KAZN: variants seen among roughly 807,000 people sequenced by gnomAD.
The protein encoded by KAZN is kazrin.
In KAZN, 40 loss-of-function variants were observed where a neutral mutation model predicts 87.4. The ratio of observed to expected loss-of-function variants is 0.46; its 90% CI spans 0.36 to 0.60. The LOEUF is 0.60. Ranked by LOEUF, KAZN falls within the 20% of genes least tolerant of loss-of-function variation. The pLI is 0.00. For synonymous variants in KAZN, 466 were observed against 458.3 expected, an observed-to-expected ratio of 1.02 and a Z score of -0.22; for missense variants, 898 against 1,073.9, an observed-to-expected ratio of 0.84 and a Z score of 2.29.
chr1:14,081,595 G>A (rs746989212), intron 1 of KAZN, among the ~76,000 whole-genome samples: 64 of 151,960 alleles, frequency 4.2e-4, no homozygotes, highest in African/African-American at 1.2e-3. Flanking sequence ...ATTTTAGTGC[G>A]CATGAATAAA....
In KAZN at chr1:14,544,536, G is replaced by A. The variant is rs142165024; in HGVS notation, c.250-54447G>A. 4.4e-4 allele frequency among the ~76,000 whole-genome samples: 67 copies of A among 151,738 alleles called. 1 individual carries two copies. In the East Asian group the frequency reaches 0.013, roughly 29 times the overall value. ...CAAAAGTGCTAATGTCTCCCTTCGTGCCTGGGAACTTAAAAGAGACTCTTT... is the reference window on the plus strand; with the variant it reads ...CAAAAGTGCTAATGTCTCCCTTCGTACCTGGGAACTTAAAAGAGACTCTTT... On this transcript the variant is annotated intron_variant, in intron 2 of 16. Transcript: ENST00000636203.
intron 1 of KAZN, among the ~76,000 whole-genome samples, chr1:13,988,590 C>G (rs1039852346): frequency 6.6e-6 from 1 of 152,110 alleles, no homozygotes; most frequent in Non-Finnish European, 1.5e-5. Flanking sequence ...CATTATTTCT[C>G]CCTACATTCT....
chr1:14,501,256 G>T (rs113880203), intron 2 of KAZN, among the ~76,000 whole-genome samples: 1 of 152,034 alleles, frequency 6.6e-6, no homozygotes, highest in Non-Finnish European at 1.5e-5. Context: ...TTGTACTGGA[G>T]GTTCTAGCCA....
At chr1:13,897,466 G>T (rs942379968) in intron 1 of KAZN, among the ~76,000 whole-genome samples, 4 of 152,118 alleles carry the variant, frequency 2.6e-5, no homozygotes, top group Non-Finnish European at 5.9e-5. Context: ...ATCCACACAC[G>T]AGGCCACACT....
intron 8 of KAZN, among the ~76,000 whole-genome samples, chr1:15,073,137 G>C (rs990029829): frequency 6.6e-6 from 1 of 152,168 alleles, no homozygotes; most frequent in Non-Finnish European, 1.5e-5. Context: ...TTCCGTGTAC[G>C]AGTCCACGTG....
At chr1:14,540,518 A>T (rs1269769695) in intron 2 of KAZN, among the ~76,000 whole-genome samples, 1 of 152,162 alleles carries the variant, frequency 6.6e-6, no homozygotes, top group African/African-American at 2.4e-5. Context: ...TGCCCCATCC[A>T]AAGGGTGTTG....
chr1:14,720,768 G>A (rs1643054574), intron 1 of KAZN, among the ~76,000 whole-genome samples: 1 of 152,140 alleles, frequency 6.6e-6, no homozygotes. Context: ...CCAGGCTGGA[G>A]TGCAGTGGCA....
At chr1:13,974,455 A>G (rs1374574452) in intron 1 of KAZN, among the ~76,000 whole-genome samples, 4 of 152,204 alleles carry the variant, frequency 2.6e-5, no homozygotes, top group Non-Finnish European at 5.9e-5. Context: ...GTCTTTGCAG[A>G]TGTAATTAAT....
At chr1:14,476,581 T>C (rs1175431980) in intron 2 of KAZN, among the ~76,000 whole-genome samples, 1 of 152,238 alleles carries the variant, frequency 6.6e-6, no homozygotes, top group African/African-American at 2.4e-5. Context: ...TTTCTTGATA[T>C]AATAACAATT....
chr1:14,011,392 C>A (rs762018306), intron 1 of KAZN, among the ~76,000 whole-genome samples: 1 of 152,184 alleles, frequency 6.6e-6, no homozygotes, highest in Admixed American at 6.5e-5. Flanking sequence ...TGTTTTCTTC[C>A]CCAGTCTTCA....
rs147036097 is a variant in KAZN at position 14,592,049 on chromosome 1, C to A, written c.250-6934C>A. Among the ~76,000 whole-genome samples, 600 of 152,300 alleles carry A rather than the reference C, an allele frequency of 3.9e-3. 7 individuals are homozygous for A. Among genetic ancestry groups the A allele is most frequent in the African/African-American group, 0.014 (576 of 41,554 alleles). On this transcript the variant is annotated intron_variant, in intron 2 of 16. Transcript: ENST00000636203. ...CTCTGTTCCCTGCTCCTGGTCCTCT[C>A]ACTCACAGCCCTGAGCCTTGGCCGC...
chr1:14,537,641 C>T (rs1424497891), intron 2 of KAZN, among the ~76,000 whole-genome samples: 1 of 152,156 alleles, frequency 6.6e-6, no homozygotes, highest in Admixed American at 6.5e-5. Flanking sequence ...GATTATATTG[C>T]CTGTTCCCCC....
rs1676748556 is a variant in KAZN, at chr1:14,599,205, C to A, written c.208C>A (p.Pro70Thr). 2.1e-6 allele frequency: 3 copies of A among 1,403,242 alleles called. No individual in the cohort carries two copies. The highest frequency in any genetic ancestry group is 3.6e-5 in the South Asian group (2 of 56,062). The allele number at this position is 1,403,242 out of a possible 1,614,324, so 86.9% of individuals were successfully genotyped here. A position where few individuals can be genotyped will look rare whatever the true frequency, so the allele number is the denominator to read the frequency against. ...GDSAATNMEN[P>T]QLGAQVLLRE... ...CTCGGCGGCGACGAACATGGAGAAC[C>A]CCCAGCTTGGAGCGCAAGGTAGGAT... Residue 70 changes from proline (P) to threonine (T), a missense_variant, in exon 1 of 15, where the codon CCC becomes ACC. By Grantham distance (38) the Pro-to-Thr change is conservative. Transcript: ENST00000376030. The surrounding 1 kb of genome is among the most constrained non-coding windows in gnomAD (Gnocchi z 4.4).
chr1:14,894,400 A>G (rs146226269), intron 1 of KAZN, among the ~76,000 whole-genome samples: 22 of 152,310 alleles, frequency 1.4e-4, no homozygotes, highest in Non-Finnish European at 2.6e-4. Context: ...TTTGTGCCTC[A>G]GTTTCCCCAT....
At chr1:14,590,610 A>C (rs1040407518) in intron 2 of KAZN, among the ~76,000 whole-genome samples, 1 of 152,202 alleles carries the variant, frequency 6.6e-6, no homozygotes, top group African/African-American at 2.4e-5. Context: ...GTTAGTAGAA[A>C]TAAATGGTTG....
rs908132392 is a variant in KAZN at position 13,906,442 on chromosome 1, G to A, written c.91+12686G>A. The stretch of plus-strand genomic sequence containing the variant: ...TGTTGAGGCGTAGGTGCTTATAGGT[G>A]TGAGGAAATGATGCTTCTAAAACCC... On this transcript the variant is annotated intron_variant, in intron 1 of 16. Coordinates refer to the KAZN transcript ENST00000636203. Among the ~76,000 whole-genome samples, 5 of 152,292 alleles carry A rather than the reference G, an allele frequency of 3.3e-5. No homozygotes were observed. The East Asian group carries it at 5.8e-4, about 18-fold the overall frequency.
intron 2 of KAZN, among the ~76,000 whole-genome samples, chr1:14,237,631 T>G (rs1006209187): frequency 6.6e-6 from 1 of 152,068 alleles, no homozygotes; most frequent in Non-Finnish European, 1.5e-5. Context: ...AATAGGTTGG[T>G]GTAATCAATA....
At chr1:14,379,098 G>T (rs867096490) in intron 2 of KAZN, among the ~76,000 whole-genome samples, 1 of 148,874 alleles carries the variant, frequency 6.7e-6, no homozygotes, top group Non-Finnish European at 1.5e-5. Context: ...CCATTTCCAG[G>T]CCTGAGCTCC....
chr1:14,966,178 C>T (rs1355280835), intron 2 of KAZN, among the ~76,000 whole-genome samples: 1 of 152,028 alleles, frequency 6.6e-6, no homozygotes, highest in Non-Finnish European at 1.5e-5. Flanking sequence ...CAGGATTTCA[C>T]CGTGTTGCCC....
Sources: gnomAD v4.1 joint callset for allele counts (sites outside exome capture counted in the v4.1 genomes callset) on GRCh38, gnomAD v4.1.1 for gene constraint, Gnocchi (gnomAD v3.1) non-coding constraint, MANE v1.5 for transcripts, NCBI Gene and HGNC (gene_info 2026-07-23, HGNC 2026-07-21) for gene names.